The following ABR variants were observed in gnomAD, a reference collection of about 807,000 sequenced individuals.
The protein encoded by ABR is active breakpoint cluster region-related protein.
ABR carries 35 observed loss-of-function variants against 107.2 expected under a neutral mutation model. The ratio of observed to expected loss-of-function variants is 0.33; its 90% CI spans 0.25 to 0.43. The LOEUF is 0.43. ABR is among the 20% of genes least tolerant of loss of function. The pLI, the probability that ABR is intolerant of heterozygous loss-of-function variation, is 1.00. For missense variants in ABR, 815 were observed against 1,115.2 expected, an observed-to-expected ratio of 0.73 and a Z score of 3.83; for synonymous variants, 498 against 462.0, an observed-to-expected ratio of 1.08 and a Z score of -1.00.
intron 16 of ABR, among the ~76,000 whole-genome samples, chr17:1,029,815 CGTGTCCACGACACGGACACA>C (rs2072564282): frequency 7.5e-5 from 3 of 39,772 alleles, no homozygotes; most frequent in Non-Finnish European, 1.5e-4. Context: ...AGCGCTGACC[CGTGTCCACGACACGGACACA>C]CTGTGGCAGA....
intron 2 of ABR, among the ~76,000 whole-genome samples, chr17:1,116,640 C>T (rs2039000184): frequency 6.6e-6 from 1 of 152,184 alleles, no homozygotes; most frequent in Non-Finnish European, 1.5e-5. Context: ...CCCAGGGTCA[C>T]AACCAAGGCA....
Position 1,223,985 on chromosome 17 carries a change from AG to A in ABR, c.838+4807del, listed in dbSNP as rs1302216145. ...AACCCTATCAGTGCCTGTCTCCCGA[AG>A]GTGCTCTGTGGAATCCATGAATTAA... On this transcript the variant is annotated intron_variant, in intron 1 of 22. Coordinates refer to the ABR transcript ENST00000574139. Among the ~76,000 whole-genome samples, 68 of 152,340 alleles carry A rather than the reference AG, an allele frequency of 4.5e-4. 1 individual carries two copies. The highest frequency in any genetic ancestry group is 1.6e-3 in the African/African-American group (67 of 41,572).
At chr17:1,107,820 C>A (rs1453359127) in intron 2 of ABR, among the ~76,000 whole-genome samples, 1 of 152,252 alleles carries the variant, frequency 6.6e-6, no homozygotes, top group East Asian at 1.9e-4. Flanking sequence ...TACAGCTCCA[C>A]TCCCCACCCA....
chr17:1,189,022 C>T (rs575828274), upstream of ABR, among the ~76,000 whole-genome samples: 1 of 152,346 alleles, frequency 6.6e-6, no homozygotes, highest in East Asian at 1.9e-4. Flanking sequence ...CTTCCCCAAG[C>T]TCTTGGCACC....
At chr17:1,094,092 G>A (rs936161944) in intron 3 of ABR, among the ~76,000 whole-genome samples, 1 of 151,832 alleles carries the variant, frequency 6.6e-6, no homozygotes, top group Non-Finnish European at 1.5e-5. Flanking sequence ...TAGAACCAAC[G>A]GCCCCTCTGC....
At chr17:1,169,871 C>A (rs2041642773) in intron 1 of ABR, among the ~76,000 whole-genome samples, 1 of 152,124 alleles carries the variant, frequency 6.6e-6, no homozygotes, top group South Asian at 2.1e-4. Context: ...CGCGTCCTCG[C>A]CCCTGGCCTC....
chr17:1,088,892 A>ATTTTTT (rs56669324), intron 4 of ABR, among the ~76,000 whole-genome samples: 3 of 102,510 alleles, frequency 2.9e-5, no homozygotes, highest in Non-Finnish European at 3.8e-5. Flanking sequence ...GTGCCCAGCC[A>ATTTTTT]TTTTTTTTTT....
In ABR at chr17:1,092,637, G is replaced by A. The variant is rs2151301391; in HGVS notation, c.346-787C>T. On this transcript the variant is annotated intron_variant, in intron 3 of 22. Transcript: ENST00000302538. This position sits in a 1 kb window ranked among gnomAD's most constrained non-coding sequence, Gnocchi z 4.6. Reference sequence around the variant, plus strand: ...GGACCGTGGGATAACGGGACGTGCAGGCATTTCCTCAGTGTGGTTCTCTGC... The same window carrying A: ...GGACCGTGGGATAACGGGACGTGCAAGCATTTCCTCAGTGTGGTTCTCTGC... Among the ~76,000 whole-genome samples, 1 of 152,208 alleles carries A rather than the reference G, an allele frequency of 6.6e-6. No homozygotes were observed. Among genetic ancestry groups the A allele is most frequent in the African/African-American group, 2.4e-5 (1 of 41,556 alleles).
At chr17:1,046,419 T>C (rs984187941) in intron 16 of ABR, among the ~76,000 whole-genome samples, 3 of 151,432 alleles carry the variant, frequency 2.0e-5, no homozygotes, top group Admixed American at 1.3e-4. Context: ...TATGGGCGCG[T>C]GCCACCACGC....
intron 1 of ABR, among the ~76,000 whole-genome samples, chr17:1,203,216 G>A (rs533925736): frequency 3.9e-4 from 60 of 152,132 alleles, no homozygotes; most frequent in Middle Eastern, 3.4e-3. Flanking sequence ...TTCACTTGCC[G>A]GTGTGAGCAG....
At chr17:1,129,966 C>T (rs970963371) in intron 1 of ABR, among the ~76,000 whole-genome samples, 37 of 151,996 alleles carry the variant, frequency 2.4e-4, no homozygotes, top group African/African-American at 8.2e-4. Flanking sequence ...AACCAACCAA[C>T]AACAAAAAAA....
intron 6 of ABR, among the ~76,000 whole-genome samples, chr17:1,076,593 T>C (rs1256605471): frequency 1.3e-5 from 2 of 151,162 alleles, no homozygotes; most frequent in Non-Finnish European, 2.9e-5. Flanking sequence ...AGCTCAGAGG[T>C]CTGAACACAT....
chr17:1,109,524 G>A (rs1312377046), intron 2 of ABR, among the ~76,000 whole-genome samples: 3 of 152,070 alleles, frequency 2.0e-5, no homozygotes, highest in African/African-American at 4.8e-5. Flanking sequence ...CGGAGGAGGA[G>A]CGAGGAGGCC....
intron 1 of ABR, among the ~76,000 whole-genome samples, chr17:1,208,018 G>A (rs142326614): frequency 0.034 from 5,166 of 152,066 alleles, 208 homozygotes; most frequent in African/African-American, 0.1. Flanking sequence ...TGATCCACCC[G>A]CTTCGGCCTC....
upstream of ABR, among the ~76,000 whole-genome samples, chr17:1,181,309 G>C (rs1366432454): frequency 6.6e-6 from 1 of 152,188 alleles, no homozygotes; most frequent in Non-Finnish European, 1.5e-5. Context: ...AGCTGCCCCA[G>C]GGGAGATGGG....
chr17:1,082,303 T>C (rs1301254876), intron 5 of ABR, among the ~76,000 whole-genome samples: 3 of 152,142 alleles, frequency 2.0e-5, no homozygotes, highest in African/African-American at 7.2e-5. Context: ...TCCTGAAGGA[T>C]CCTAAGCAAC....
In ABR at chr17:1,078,416, A is replaced by ACCATCGCCAC. The variant is rs1368460231; in HGVS notation, c.700+904_700+913dup. 6.6e-6 allele frequency among the ~76,000 whole-genome samples: 1 copy of ACCATCGCCAC among 151,930 alleles called. No homozygotes were observed. The highest frequency in any genetic ancestry group is 1.5e-5 in the Non-Finnish European group (1 of 67,958). Reference sequence around the variant, plus strand: ...CTCGGCTGGCAACGCCGCCGTCCGGACCATCGCCACCCATCGCCACGCTGT... The same window carrying ACCATCGCCAC: ...CTCGGCTGGCAACGCCGCCGTCCGGACCATCGCCACCCATCGCCACCCATCGCCACGCTGT... On this transcript the variant is annotated intron_variant, in intron 6 of 22. Transcript: ENST00000302538. This position sits in a 1 kb window ranked among gnomAD's most constrained non-coding sequence, Gnocchi z 7.5.
chr17:1,144,308 CA>C (rs1366906063), intron 1 of ABR, among the ~76,000 whole-genome samples: 1 of 152,186 alleles, frequency 6.6e-6, no homozygotes, highest in Admixed American at 6.5e-5. Flanking sequence ...CCTAAGCTAT[CA>C]CACACCAGAT....
intron 1 of ABR, among the ~76,000 whole-genome samples, chr17:1,226,962 C>A (rs2043233906): frequency 6.6e-6 from 1 of 152,152 alleles, no homozygotes; most frequent in Non-Finnish European, 1.5e-5. Flanking sequence ...AGAACCCGAA[C>A]ATGTAGCTGT....
Sources: allele counts gnomAD v4.1 joint callset (sites outside exome capture counted in the v4.1 genomes callset), GRCh38; gene constraint gnomAD v4.1.1; non-coding constraint Gnocchi (gnomAD v3.1); transcripts MANE v1.5; gene names NCBI Gene and HGNC (gene_info 2026-07-23, HGNC 2026-07-21).